The following KIZ variants were observed in gnomAD, a reference collection of about 807,000 sequenced individuals.
The protein encoded by KIZ is kizuna centrosomal protein.
Under a neutral mutation model 79.6 loss-of-function variants are expected in KIZ, and 68 were observed. That is an observed-to-expected ratio of 0.85 (90% confidence interval 0.70 to 1.05). The LOEUF (loss-of-function observed/expected upper bound fraction) is 1.05. Among genes scored for constraint, KIZ ranks in the 50% least tolerant of loss-of-function variants. The probability of loss-of-function intolerance (pLI) is 0.00; values close to 1 mark genes in which losing one functional copy is unlikely to be tolerated. For missense variants in KIZ, 797 were observed against 800.4 expected, an observed-to-expected ratio of 1.00 and a Z score of 0.05; for synonymous variants, 280 against 281.8, an observed-to-expected ratio of 0.99 and a Z score of 0.06.
At chr20:21,238,345 G>T (rs2037097098) in intron 11 of KIZ, among the ~76,000 whole-genome samples, 1 of 99,662 alleles carries the variant, frequency 1.0e-5, no homozygotes. Flanking sequence ...GAGAGAGAGA[G>T]AGAGAGAGTG....
chr20:21,190,096 T>C (rs1372172285), intron 6 of KIZ, among the ~76,000 whole-genome samples: 1 of 152,356 alleles, frequency 6.6e-6, no homozygotes, highest in Admixed American at 6.5e-5. Flanking sequence ...ATACAGCTGT[T>C]CCAGCCATCG....
chr20:21,243,668 T>C (rs1255585934), intron 11 of KIZ, among the ~76,000 whole-genome samples: 1 of 152,220 alleles, frequency 6.6e-6, no homozygotes, highest in Non-Finnish European at 1.5e-5. Context: ...TCTTGTCATA[T>C]TGGCCTCAGT....
At chr20:21,172,953 C>G (rs1417730199) in intron 6 of KIZ, among the ~76,000 whole-genome samples, 6 of 152,152 alleles carry the variant, frequency 3.9e-5, no homozygotes, top group African/African-American at 1.4e-4. Flanking sequence ...TGGGGGCATA[C>G]TGAGTGTTTC....
intron 6 of KIZ, among the ~76,000 whole-genome samples, chr20:21,172,085 C>T (rs531896188): frequency 3.5e-4 from 54 of 152,306 alleles, no homozygotes; most frequent in African/African-American, 1.3e-3. Flanking sequence ...CTTTCCTAAT[C>T]CACAAAAGCA....
intron 6 of KIZ, chr20:21,197,347 G>A (rs539889902): frequency 2.6e-5 from 4 of 152,284 alleles, no homozygotes; most frequent in South Asian, 2.1e-4. Flanking sequence ...ACTGCAATAG[G>A]ATCTGAATGG....
intron 6 of KIZ, among the ~76,000 whole-genome samples, chr20:21,174,335 T>C (rs914203691): frequency 3.9e-5 from 6 of 152,120 alleles, no homozygotes; most frequent in Admixed American, 1.3e-4. Context: ...ATGTAACATA[T>C]TGAAAGTCAT....
intron 6 of KIZ, among the ~76,000 whole-genome samples, chr20:21,188,676 TTTTATTTATTTA>T (rs149324316): frequency 2.3e-3 from 329 of 141,880 alleles, no homozygotes; most frequent in Non-Finnish European, 2.8e-3. Context: ...TTGCATTTTA[TTTTATTTATTTA>T]TTTATTTATT....
intron 4 of KIZ, among the ~76,000 whole-genome samples, chr20:21,152,178 C>A (rs1460400535): frequency 6.6e-6 from 1 of 152,102 alleles, no homozygotes; most frequent in Non-Finnish European, 1.5e-5. Flanking sequence ...AACTGGTTTG[C>A]TTCAGTTACT....
At chr20:21,165,340 C>T (rs1460412838) in intron 6 of KIZ, among the ~76,000 whole-genome samples, 3 of 151,466 alleles carry the variant, frequency 2.0e-5, no homozygotes, top group African/African-American at 7.3e-5. Context: ...AGAAGGAATG[C>T]GGAGCAGAGA....
intron 4 of KIZ, among the ~76,000 whole-genome samples, chr20:21,153,690 G>A (rs1045376473): frequency 1.3e-5 from 2 of 152,174 alleles, no homozygotes; most frequent in Non-Finnish European, 2.9e-5. Context: ...GGAAGTCCAA[G>A]ATCAAGGTGC....
intron 6 of KIZ, among the ~76,000 whole-genome samples, chr20:21,173,465 C>T (rs2034303301): frequency 6.6e-6 from 1 of 151,328 alleles, no homozygotes; most frequent in African/African-American, 2.4e-5. Flanking sequence ...GTAATCCCAG[C>T]TACTTGGGAG....
chr20:21,220,518 C>T (rs1215502117), intron 9 of KIZ, among the ~76,000 whole-genome samples: 1 of 152,110 alleles, frequency 6.6e-6, no homozygotes, highest in Non-Finnish European at 1.5e-5. Flanking sequence ...GAGTCTCACT[C>T]CATCACCCAG....
chr20:21,175,612 AG>A (rs2034400358), intron 6 of KIZ, among the ~76,000 whole-genome samples: 1 of 152,120 alleles, frequency 6.6e-6, no homozygotes, highest in African/African-American at 2.4e-5. Context: ...GTACCATAAA[AG>A]GCTTCCCCTC....
chr20:21,189,569 C>G (rs1005622287), intron 6 of KIZ, among the ~76,000 whole-genome samples: 16 of 152,102 alleles, frequency 1.1e-4, no homozygotes, highest in African/African-American at 3.9e-4. Context: ...GGAGAGGGTT[C>G]GTTCTGAAAA....
intron 2 of KIZ, among the ~76,000 whole-genome samples, chr20:21,134,208 C>T (rs867495181): frequency 4.4e-4 from 67 of 152,218 alleles, no homozygotes; most frequent in African/African-American, 1.6e-3. Flanking sequence ...CCATTATCTG[C>T]ACCCTTTTTA....
intron 3 of KIZ, among the ~76,000 whole-genome samples, chr20:21,137,406 T>TG (rs887117974): frequency 6.6e-6 from 1 of 151,992 alleles, no homozygotes; most frequent in African/African-American, 2.4e-5. Context: ...GTAACCCATC[T>TG]TAACACTGGT....
At chr20:21,137,379 G>A (rs1203246347) in intron 3 of KIZ, among the ~76,000 whole-genome samples, 2 of 152,016 alleles carry the variant, frequency 1.3e-5, no homozygotes, top group Non-Finnish European at 2.9e-5. Flanking sequence ...ATTTGCACTG[G>A]TCAGGTGTTG....
chr20:21,146,421 C>G (rs144789244), intron 4 of KIZ, among the ~76,000 whole-genome samples: 1 of 152,314 alleles, frequency 6.6e-6, no homozygotes, highest in Non-Finnish European at 1.5e-5. Flanking sequence ...GAAAAGCTTA[C>G]TGGGCTGAAA....
At chr20:21,199,996 T>G (rs927961209) in intron 6 of KIZ, among the ~76,000 whole-genome samples, 2 of 152,100 alleles carry the variant, frequency 1.3e-5, no homozygotes, top group Admixed American at 1.3e-4. Context: ...TTTTTTGTAT[T>G]TTTGGCAGAA....
Sources: allele counts gnomAD v4.1 joint callset (sites outside exome capture counted in the v4.1 genomes callset), GRCh38; gene constraint gnomAD v4.1.1; transcripts MANE v1.5; gene names NCBI Gene and HGNC (gene_info 2026-07-23, HGNC 2026-07-21).